DAB1: variants seen among roughly 807,000 people sequenced by gnomAD.
The protein encoded by DAB1 is DAB adaptor protein 1.
DAB1 carries 15 observed loss-of-function variants against 64.6 expected under a neutral mutation model. That is an observed-to-expected ratio of 0.23 (90% confidence interval 0.16 to 0.36). The LOEUF is 0.36. Ranked by LOEUF, DAB1 falls within the 10% of genes least tolerant of loss-of-function variation. The pLI, the probability that DAB1 is intolerant of heterozygous loss-of-function variation, is 1.00. For synonymous variants in DAB1, 235 were observed against 251.9 expected (o/e 0.93, Z 0.64); for missense variants, 596 against 706.7 (o/e 0.84, Z 1.78).
chr1:57,636,034 T>C (rs1260293222), intron 7 of DAB1, among the ~76,000 whole-genome samples: 5 of 143,632 alleles, frequency 3.5e-5, no homozygotes, highest in African/African-American at 7.6e-5. Flanking sequence ...GAGGTGGAGA[T>C]TGCAGTGAGC....
intron 4 of DAB1, among the ~76,000 whole-genome samples, chr1:58,276,198 C>T (rs932679612): frequency 2.0e-5 from 3 of 152,078 alleles, no homozygotes; most frequent in African/African-American, 7.2e-5. Context: ...TACAGAGTTT[C>T]AGTTTTGCAA....
chr1:58,118,968 A>G (rs1257037495), intron 5 of DAB1, among the ~76,000 whole-genome samples: 1 of 152,092 alleles, frequency 6.6e-6, no homozygotes, highest in Admixed American at 6.6e-5. Flanking sequence ...GACTAGTTCA[A>G]TACTAGCCAT....
In DAB1 at chr1:57,838,328, A is replaced by C. The variant is rs75766216; in HGVS notation, n.88-11873T>G. Among the ~76,000 whole-genome samples the C allele has an allele frequency of 4.3e-3, 658 of 152,344 alleles. 1 individual carries two copies. The highest frequency in any genetic ancestry group is 8.0e-3 in the Non-Finnish European group (543 of 68,022). On this transcript the variant is annotated intron_variant and non_coding_transcript_variant, in intron 1 of 1. Transcript: ENST00000477280. ...ACATTTACATGGAAAAAAATTCTTA[A>C]AGAAAATGCAACAGAAAGTTGAGAA...
chr1:57,365,195 T>C (rs1009795147), intron 1 of DAB1, among the ~76,000 whole-genome samples: 42 of 138,458 alleles, frequency 3.0e-4, no homozygotes, highest in African/African-American at 1.1e-3. Context: ...ATAAAGAATA[T>C]ATATAAATAT....
chr1:57,335,374 A>T (rs1446214858), intron 1 of DAB1, among the ~76,000 whole-genome samples: 4 of 152,240 alleles, frequency 2.6e-5, no homozygotes, highest in Admixed American at 2.0e-4. Flanking sequence ...GTCAATAAAA[A>T]ATGCAAATGA....
intron 4 of DAB1, among the ~76,000 whole-genome samples, chr1:58,246,590 AGTGT>A (rs1225075070): frequency 6.6e-6 from 1 of 152,060 alleles, no homozygotes; most frequent in African/African-American, 2.4e-5. Flanking sequence ...CATAGATGTG[AGTGT>A]GTGTGAGGCT....
At chr1:57,289,132 G>A (rs934054287) in intron 2 of DAB1, among the ~76,000 whole-genome samples, 5 of 152,100 alleles carry the variant, frequency 3.3e-5, no homozygotes, top group Non-Finnish European at 7.4e-5. Flanking sequence ...AGATGAGGAG[G>A]TTCAAAAAGG....
chr1:57,224,450 G>A (rs531329081), intron 2 of DAB1, among the ~76,000 whole-genome samples: 2 of 152,294 alleles, frequency 1.3e-5, no homozygotes, highest in South Asian at 4.1e-4. Context: ...AGCATTGGTA[G>A]AAGGCTTTCT....
chr1:57,583,915 G>A (rs1208189153), intron 7 of DAB1, among the ~76,000 whole-genome samples: 1 of 152,148 alleles, frequency 6.6e-6, no homozygotes, highest in Non-Finnish European at 1.5e-5. Context: ...GCGGCCTTAG[G>A]GCTATGCTGT....
At chr1:58,252,873 G>A (rs555184040) in intron 4 of DAB1, among the ~76,000 whole-genome samples, 6 of 152,236 alleles carry the variant, frequency 3.9e-5, no homozygotes, top group South Asian at 4.2e-4. Context: ...ACTGTAGATC[G>A]CCAAGACAGT....
intron 1 of DAB1, among the ~76,000 whole-genome samples, chr1:57,348,245 C>G (rs542574082): frequency 1.2e-4 from 19 of 152,124 alleles, no homozygotes; most frequent in Non-Finnish European, 2.8e-4. Flanking sequence ...TAGAGGCTCA[C>G]TATCTGCTGT....
At chr1:58,361,586 A>C (rs941309459) in intron 3 of DAB1, among the ~76,000 whole-genome samples, 2 of 152,058 alleles carry the variant, frequency 1.3e-5, no homozygotes, top group Non-Finnish European at 2.9e-5. Flanking sequence ...GATCAGGTAT[A>C]AGTTAGTGTA....
intron 1 of DAB1, among the ~76,000 whole-genome samples, chr1:57,396,374 T>C (rs576114948): frequency 6.6e-6 from 1 of 152,334 alleles, no homozygotes; most frequent in East Asian, 1.9e-4. Context: ...AGCTGTTTTT[T>C]TGTTTTGTTT....
At chr1:57,852,256 C>T (rs1216223889) in intron 1 of DAB1, among the ~76,000 whole-genome samples, 4 of 152,226 alleles carry the variant, frequency 2.6e-5, no homozygotes, top group African/African-American at 9.6e-5. Flanking sequence ...CCAAGAAGAA[C>T]TTGGACAAAC....
chr1:57,965,202 GCTTT>G (rs1199664963), intron 5 of DAB1, among the ~76,000 whole-genome samples: 1 of 152,154 alleles, frequency 6.6e-6, no homozygotes, highest in African/African-American at 2.4e-5. Flanking sequence ...GAGAGTGTCA[GCTTT>G]CTTTCTATTT....
At chr1:57,253,862 C>T (rs934827542) in intron 2 of DAB1, among the ~76,000 whole-genome samples, 1 of 152,126 alleles carries the variant, frequency 6.6e-6, no homozygotes, top group Non-Finnish European at 1.5e-5. Context: ...CCTGATAGGA[C>T]ATTTATTAAG....
intron 3 of DAB1, among the ~76,000 whole-genome samples, chr1:58,438,258 T>G (rs1644966927): frequency 6.6e-6 from 1 of 152,214 alleles, no homozygotes; most frequent in Admixed American, 6.5e-5. Context: ...ACATACATAA[T>G]TACTTACAAT....
chr1:57,079,330 C>T (rs1652271139), intron 4 of DAB1, among the ~76,000 whole-genome samples: 1 of 152,142 alleles, frequency 6.6e-6, no homozygotes. Context: ...CCCCCAAAAA[C>T]AAGTCCATCT....
intron 4 of DAB1, among the ~76,000 whole-genome samples, chr1:57,077,389 C>A (rs141247619): frequency 2.0e-4 from 30 of 152,118 alleles, no homozygotes; most frequent in Non-Finnish European, 3.1e-4. Flanking sequence ...TTCAGGAAGG[C>A]AGGCAGGGAG....
Sources: gnomAD v4.1 joint callset for allele counts (sites outside exome capture counted in the v4.1 genomes callset) on GRCh38, gnomAD v4.1.1 for gene constraint, MANE v1.5 for transcripts, NCBI Gene and HGNC (gene_info 2026-07-23, HGNC 2026-07-21) for gene names.